CSF1R: variants seen among roughly 807,000 people sequenced by gnomAD.
CSF1R encodes macrophage colony-stimulating factor 1 receptor.
Under a neutral mutation model 110.0 loss-of-function variants are expected in CSF1R, and 40 were observed. The observed-to-expected ratio is 0.36, with a 90% confidence interval of 0.28 to 0.47. The LOEUF (loss-of-function observed/expected upper bound fraction) is 0.47. CSF1R is among the 20% of genes least tolerant of loss of function. CSF1R has a pLI of 0.99. For synonymous variants in CSF1R, 523 were observed against 503.4 expected (o/e 1.04, Z -0.52); for missense variants, 1,052 against 1,253.0 (o/e 0.84, Z 2.42).
intron 1 of CSF1R, among the ~76,000 whole-genome samples, chr5:150,107,142 C>T (rs1376618185): frequency 6.6e-6 from 1 of 152,246 alleles, no homozygotes; most frequent in African/African-American, 2.4e-5. Flanking sequence ...GCTCTCCACC[C>T]TCCAAAAGCA....
At chr5:150,055,598 C>T (rs1465136608) in intron 18 of CSF1R, among the ~76,000 whole-genome samples, 4 of 152,198 alleles carry the variant, frequency 2.6e-5, no homozygotes, top group East Asian at 1.9e-4. Context: ...AGCTGTGTAT[C>T]GTTAAAGTGT....
At chr5:150,074,815 C>T (rs933606920) in intron 5 of CSF1R, among the ~76,000 whole-genome samples, 7 of 151,128 alleles carry the variant, frequency 4.6e-5, no homozygotes, top group Admixed American at 1.3e-4. Flanking sequence ...TCACTGTGCT[C>T]ATCCAGCCAC....
At chr5:150,068,407 G>A in intron 9 of CSF1R, 77 bp from the exon 10 acceptor site, 4 of 908,414 alleles carry the variant, frequency 4.4e-6, no homozygotes, top group Non-Finnish European at 6.9e-6. Context: ...CACACTGCCT[G>A]GAACACAGTG....
intron 1 of CSF1R, among the ~76,000 whole-genome samples, chr5:150,093,955 T>A (rs1759128999): frequency 6.6e-6 from 1 of 151,518 alleles, no homozygotes; most frequent in African/African-American, 2.4e-5. Context: ...CCCAGCTACT[T>A]GGGAGGCTGA....
In CSF1R at chr5:150,086,458, A is replaced by C. The variant is rs1230707876; in HGVS notation, c.-31T>G. On this transcript the variant is annotated 5_prime_UTR_variant, in exon 1 of 21. Coordinates refer to ENST00000675795, the MANE Select transcript of CSF1R (RefSeq NM_001288705.3). ...CGGTGGGGAAGTGGCAGGCAGGTGC[A>C]GGGCTGCAAGGTGCCCAGGGCACAG... The C allele has an allele frequency of 6.3e-7, 1 of 1,597,310 alleles. No homozygotes were observed.
upstream of CSF1R, chr5:150,086,605 TAGC>T (rs1758858766): frequency 1.8e-6 from 1 of 556,954 alleles, no homozygotes; most frequent in Non-Finnish European, 3.2e-6. Context: ...CTTCCCCTTT[TAGC>T]TAGGCAAGGC....
In CSF1R at chr5:150,069,885, G is replaced by A; in HGVS notation, c.1498C>T (p.Pro500Ser). 1.2e-6 allele frequency: 2 copies of A among 1,611,944 alleles called. No individual in the cohort carries two copies. The highest frequency in any genetic ancestry group is 1.7e-6 in the Non-Finnish European group (2 of 1,178,884). Residue 500 changes from proline (P) to serine (S), a missense_variant, in exon 9 of 21, where the codon CCC becomes TCC. Around this residue, in one of 5 missense-constraint regions of CSF1R, gnomAD observed 693 missense variants for 735.4 expected, o/e 0.94. Coordinates refer to ENST00000675795, the MANE Select transcript of CSF1R (RefSeq NM_001288705.3). ...GGCTCCCTCTCACCTGCAGAGATGG[G>A]TATGAAGGCCCAGGAGCCACTCCCC... ...SVGSGSWAFI[P>S]ISAGAHTHPP...
rs150705276 is a variant in CSF1R at position 150,107,852 on chromosome 5, C to T, written c.-181+5409G>A. ...GTGAGACAATAATGCAGGTGAAGGGCATGCAACAGATATTTCTCAATCACT... is the reference window on the plus strand; with the variant it reads ...GTGAGACAATAATGCAGGTGAAGGGTATGCAACAGATATTTCTCAATCACT... On this transcript the variant is annotated intron_variant, in intron 1 of 21. Coordinates refer to the CSF1R transcript ENST00000286301. 3.3e-5 allele frequency among the ~76,000 whole-genome samples: 5 copies of T among 152,350 alleles called. No individual in the cohort carries two copies. The East Asian group carries it at 7.7e-4, about 23-fold the overall frequency.
intron 1 of CSF1R, among the ~76,000 whole-genome samples, chr5:150,111,126 A>G (rs998172660): frequency 1.3e-5 from 2 of 152,224 alleles, no homozygotes; most frequent in African/African-American, 4.8e-5. Context: ...TAACTAAAAT[A>G]AAAGGGGCCT....
chr5:150,077,262 A>C lies in CSF1R; in HGVS notation c.889+14T>G. 1 of 1,613,888 alleles carries C rather than the reference A, an allele frequency of 6.2e-7. No individual in the cohort carries two copies. Among genetic ancestry groups the C allele is most frequent in the Non-Finnish European group, 8.5e-7 (1 of 1,179,980 alleles). ...GGATCCCTACCGACTGTCCACCACC[A>C]CCCTGATGCTTACCTACCACCCGGA... On this transcript the variant is annotated intron_variant, in intron 5 of 20. Transcript: ENST00000675795.
At chr5:150,110,742 C>G (rs1759692363) in intron 1 of CSF1R, among the ~76,000 whole-genome samples, 1 of 147,654 alleles carries the variant, frequency 6.8e-6, no homozygotes, top group Non-Finnish European at 1.5e-5. Context: ...AGAATTTCAA[C>G]AAGATAAATT....
intron 1 of CSF1R, among the ~76,000 whole-genome samples, chr5:150,085,439 A>G (rs1414787476): frequency 6.6e-6 from 1 of 151,758 alleles, no homozygotes; most frequent in Non-Finnish European, 1.5e-5. Context: ...CTCCCCTTCA[A>G]TCCCCATCCT....
chr5:150,059,466 C>T (rs1217103069), intron 14 of CSF1R, among the ~76,000 whole-genome samples: 2 of 152,244 alleles, frequency 1.3e-5, no homozygotes, highest in African/African-American at 2.4e-5. Flanking sequence ...CTTTGCCCTC[C>T]ACACTCCCAG....
intron 1 of CSF1R, among the ~76,000 whole-genome samples, chr5:150,085,277 G>GAAAAAAACAAAAAAAAAA (rs1758786904): frequency 1.1e-5 from 1 of 92,470 alleles, no homozygotes; most frequent in South Asian, 3.6e-4. Flanking sequence ...TCTGTCTCAG[G>GAAAAAAACAAAAAAAAAA]AAAAAAAAAA....
rs41287098 is a variant in CSF1R, at chr5:150,068,497, G to A, written c.1511-167C>T. ...GGAGCCTCTCCTGCACACCCTCCCC[G>A]AGAAAGGCAGAGAGGACGGCCTCTT... On this transcript the variant is annotated intron_variant, in intron 9 of 20. Transcript: ENST00000675795. Among the ~76,000 whole-genome samples, 14,842 of 152,156 alleles carry A rather than the reference G, an allele frequency of 0.098. 1,144 individuals carry two copies. Among genetic ancestry groups the A allele is most frequent in the Admixed American group, 0.2 (3,040 of 15,288 alleles).
At chr5:150,056,611 T>G (rs931966239) in intron 16 of CSF1R, among the ~76,000 whole-genome samples, 3 of 152,200 alleles carry the variant, frequency 2.0e-5, no homozygotes, top group African/African-American at 7.2e-5. Flanking sequence ...ACTGGTCTGC[T>G]CAGGCCCCAG....
At chr5:150,102,975 G>A (rs1444668740) in intron 1 of CSF1R, among the ~76,000 whole-genome samples, 2 of 152,156 alleles carry the variant, frequency 1.3e-5, no homozygotes, top group African/African-American at 4.8e-5. Flanking sequence ...GTTTAGGAAG[G>A]CTGAGCCATT....
At chr5:150,094,326 A>G (rs1252868902) in intron 1 of CSF1R, 6 of 1,597,984 alleles carry the variant, frequency 3.8e-6, no homozygotes, top group South Asian at 1.1e-5. Flanking sequence ...AGAGAAGAAG[A>G]AGGAGGTTCC....
chr5:150,109,242 C>G (rs1274628505), intron 1 of CSF1R, among the ~76,000 whole-genome samples: 1 of 152,208 alleles, frequency 6.6e-6, no homozygotes, highest in African/African-American at 2.4e-5. Flanking sequence ...AGCCAAGCCA[C>G]TTGATGGCTC....
Sources: allele counts gnomAD v4.1 joint callset (sites outside exome capture counted in the v4.1 genomes callset), GRCh38; gene constraint gnomAD v4.1.1; regional missense constraint gnomAD v4.1.1; transcripts MANE v1.5; gene names NCBI Gene and HGNC (gene_info 2026-07-23, HGNC 2026-07-21).